The following XYLT1 variants were observed in gnomAD, a reference collection of about 807,000 sequenced individuals.
The protein encoded by XYLT1 is xylosyltransferase 1, also known as beta-D-xylosyltransferase 1.
Under a neutral mutation model 91.3 loss-of-function variants are expected in XYLT1, and 36 were observed. The ratio of observed to expected loss-of-function variants is 0.39; its 90% CI spans 0.30 to 0.52. XYLT1 has a LOEUF of 0.52. XYLT1 is among the 20% of genes least tolerant of loss of function. The pLI, the probability that XYLT1 is intolerant of heterozygous loss-of-function variation, is 0.68. For missense variants in XYLT1, 1,242 were observed against 1,284.5 expected, an observed-to-expected ratio of 0.97 and a Z score of 0.51; for synonymous variants, 588 against 532.0, an observed-to-expected ratio of 1.11 and a Z score of -1.45.
chr16:17,217,490 A>C (rs1417011460), intron 3 of XYLT1, among the ~76,000 whole-genome samples: 1 of 152,238 alleles, frequency 6.6e-6, no homozygotes, highest in Non-Finnish European at 1.5e-5. Flanking sequence ...CTGCTTTGTC[A>C]TATGCATTCT....
At chr16:17,435,805 G>C (rs775952086) in intron 1 of XYLT1, among the ~76,000 whole-genome samples, 42 of 152,224 alleles carry the variant, frequency 2.8e-4, no homozygotes, top group Admixed American at 1.3e-4. Context: ...CCCGTGAGCA[G>C]CTGGGGTAGA....
At chr16:17,140,236 T>C (rs1225173797) in intron 7 of XYLT1, among the ~76,000 whole-genome samples, 1 of 152,214 alleles carries the variant, frequency 6.6e-6, no homozygotes, top group African/African-American at 2.4e-5. Context: ...TCTGGATTAA[T>C]GGAGTATGAC....
At chr16:17,171,694 T>A (rs2031823214) in intron 5 of XYLT1, among the ~76,000 whole-genome samples, 1 of 152,226 alleles carries the variant, frequency 6.6e-6, no homozygotes, top group Admixed American at 6.5e-5. Flanking sequence ...ATCACATAGA[T>A]CATCGGTTTT....
At chr16:17,220,507 C>G (rs8053112) in intron 3 of XYLT1, among the ~76,000 whole-genome samples, 28,172 of 152,132 alleles carry the variant, frequency 0.19, 3,071 homozygotes, top group African/African-American at 0.29. Flanking sequence ...TAGTCCCACT[C>G]TGTCCCCCAG....
intron 2 of XYLT1, among the ~76,000 whole-genome samples, chr16:17,270,093 G>A (rs1457358485): frequency 1.3e-5 from 2 of 152,156 alleles, no homozygotes; most frequent in African/African-American, 2.4e-5. Context: ...GATTACAGGC[G>A]TGGGCCACCG....
rs558810296 is a variant in XYLT1 at position 17,465,965 on chromosome 16, G to A, written c.363+4469C>T. 4.6e-4 allele frequency among the ~76,000 whole-genome samples: 70 copies of A among 152,270 alleles called. 3 individuals are homozygous for A. In the South Asian group the frequency reaches 0.013, roughly 29 times the overall value. On this transcript the variant is annotated intron_variant, in intron 1 of 11. Transcript: ENST00000261381. Reference sequence around the variant, plus strand: ...GGCATGAGAAAGGGCCGAGCCAGGAGGTGAACCCAGGTATGTCAGGCCTGA... The same window carrying A: ...GGCATGAGAAAGGGCCGAGCCAGGAAGTGAACCCAGGTATGTCAGGCCTGA...
At chr16:17,126,969 G>A (rs1205655077) in intron 10 of XYLT1, among the ~76,000 whole-genome samples, 1 of 152,206 alleles carries the variant, frequency 6.6e-6, no homozygotes, top group Non-Finnish European at 1.5e-5. Context: ...GATAATTTTA[G>A]ATAGTAAATG....
chr16:17,113,442 C>A (rs1394548904), intron 11 of XYLT1, among the ~76,000 whole-genome samples: 1 of 152,222 alleles, frequency 6.6e-6, no homozygotes, highest in Non-Finnish European at 1.5e-5. Context: ...TGCACCAGGC[C>A]ATGATAGTGG....
At chr16:17,361,273 G>A (rs749220034) in intron 1 of XYLT1, among the ~76,000 whole-genome samples, 4 of 152,158 alleles carry the variant, frequency 2.6e-5, no homozygotes, top group African/African-American at 4.8e-5. Flanking sequence ...TGCCAGACAC[G>A]TGAAACAAAC....
intron 2 of XYLT1, among the ~76,000 whole-genome samples, chr16:17,309,048 C>G (rs77107946): frequency 0.012 from 1,864 of 152,118 alleles, 36 homozygotes; most frequent in African/African-American, 0.043. Flanking sequence ...GCCTAGCAAT[C>G]AGAGAGAGCT....
At chr16:17,433,529 A>G (rs2141934440) in intron 1 of XYLT1, among the ~76,000 whole-genome samples, 1 of 152,232 alleles carries the variant, frequency 6.6e-6, no homozygotes, top group African/African-American at 2.4e-5. Flanking sequence ...ATCCACAAAC[A>G]CGCATGATGG....
Position 17,450,358 on chromosome 16 carries a change from CAAACAAAA to C in XYLT1, c.363+20068_363+20075del, listed in dbSNP as rs1266386847. 2.8e-3 allele frequency among the ~76,000 whole-genome samples: 401 copies of C among 143,066 alleles called. 1 individual carries two copies. Among genetic ancestry groups the C allele is most frequent in the Middle Eastern group, 0.011 (3 of 282 alleles). The allele number at this position is 143,066 out of a possible 152,430, so 93.9% of individuals were successfully genotyped here. ...GTCTCAAAACAAACAAACAAACAAACAAACAAAAAAAAAAAGGTGAGAAGGATTCTAGA... is the reference window on the plus strand; with the variant it reads ...GTCTCAAAACAAACAAACAAACAAACAAAAAAAGGTGAGAAGGATTCTAGA... On this transcript the variant is annotated intron_variant, in intron 1 of 11. Coordinates refer to ENST00000261381, the MANE Select transcript of XYLT1 (RefSeq NM_022166.4).
intron 2 of XYLT1, among the ~76,000 whole-genome samples, chr16:17,264,295 G>A (rs966806058): frequency 2.0e-5 from 3 of 152,118 alleles, no homozygotes; most frequent in Non-Finnish European, 2.9e-5. Flanking sequence ...GACTATTTTC[G>A]ATAGCTGATA....
chr16:17,200,222 A>T (rs922642887), intron 4 of XYLT1, among the ~76,000 whole-genome samples: 5 of 151,552 alleles, frequency 3.3e-5, no homozygotes, highest in Admixed American at 3.3e-4. Flanking sequence ...TCCATCAAAA[A>T]AAAAAGAAAA....
chr16:17,310,797 C>T lies in XYLT1; in HGVS notation c.402+47215G>A, dbSNP rs371724320. ...CTAGGAGGCAGAGGTTGCAGTGAGC[C>T]GAGATCGTGCCACTGCACTCTAGCC... On this transcript the variant is annotated intron_variant, in intron 2 of 11. Transcript: ENST00000261381. 9.2e-5 allele frequency among the ~76,000 whole-genome samples: 14 copies of T among 152,142 alleles called. No homozygotes were observed. In the South Asian group the frequency reaches 1.2e-3, roughly 14 times the overall value.
intron 1 of XYLT1, among the ~76,000 whole-genome samples, chr16:17,457,933 G>GA (rs1019145693): frequency 1.2e-4 from 18 of 151,802 alleles, no homozygotes; most frequent in Middle Eastern, 3.4e-3. Flanking sequence ...AAAAGAAGAA[G>GA]AAAAAAAAGA....
chr16:17,328,078 C>A (rs115115431), intron 2 of XYLT1, among the ~76,000 whole-genome samples: 5 of 152,144 alleles, frequency 3.3e-5, no homozygotes, highest in Non-Finnish European at 1.5e-5. Flanking sequence ...CCACAGACCA[C>A]GTAACCTCCC....
intron 3 of XYLT1, among the ~76,000 whole-genome samples, chr16:17,236,058 G>T (rs1485911118): frequency 6.6e-6 from 1 of 152,174 alleles, no homozygotes; most frequent in Non-Finnish European, 1.5e-5. Context: ...GTAGAGACGG[G>T]GTTTCACCAT....
intron 11 of XYLT1, among the ~76,000 whole-genome samples, chr16:17,113,288 C>G (rs779576891): frequency 3.3e-5 from 5 of 151,942 alleles, no homozygotes; most frequent in Non-Finnish European, 7.4e-5. Flanking sequence ...ATTTCAGGCA[C>G]CCGTCACCAT....
Sources: gnomAD v4.1 joint callset for allele counts (sites outside exome capture counted in the v4.1 genomes callset) on GRCh38, gnomAD v4.1.1 for gene constraint, MANE v1.5 for transcripts, NCBI Gene and HGNC (gene_info 2026-07-23, HGNC 2026-07-21) for gene names.